The following SMYD3 variants were observed in gnomAD, a reference collection of about 807,000 sequenced individuals.
The protein encoded by SMYD3 is histone-lysine N-methyltransferase SMYD3.
Under a neutral mutation model 57.7 loss-of-function variants are expected in SMYD3, and 36 were observed. The observed-to-expected ratio is 0.62, with a 90% CI of 0.48 to 0.82. SMYD3 has a LOEUF of 0.82. Ranked by LOEUF, SMYD3 falls within the 40% of genes least tolerant of loss-of-function variation. The pLI, the probability that SMYD3 is intolerant of heterozygous loss-of-function variation, is 0.00. For synonymous variants in SMYD3, 211 were observed against 195.0 expected (o/e 1.08, Z -0.68); for missense variants, 515 against 538.8 (o/e 0.96, Z 0.44).
intron 10 of SMYD3, among the ~76,000 whole-genome samples, chr1:245,804,407 C>A (rs1381932370): frequency 6.6e-6 from 1 of 151,862 alleles, no homozygotes; most frequent in African/African-American, 2.4e-5. Flanking sequence ...GTGGTGAAAC[C>A]CCATCTCTAC....
intron 5 of SMYD3, among the ~76,000 whole-genome samples, chr1:246,227,470 CCGGGTGTGGTGG>C (rs1052853610): frequency 2.0e-5 from 3 of 151,866 alleles, no homozygotes; most frequent in Admixed American, 6.6e-5. Flanking sequence ...AAAAAATTAA[CCGGGTGTGGTGG>C]CGGGCGCCTG....
chr1:246,485,946 TA>T (rs1291856563), intron 1 of SMYD3, among the ~76,000 whole-genome samples: 4 of 152,204 alleles, frequency 2.6e-5, no homozygotes, highest in African/African-American at 9.6e-5. Context: ...TTTGCAAGAC[TA>T]AATGAGATAA....
At chr1:246,131,455 C>A (rs558239292) in intron 5 of SMYD3, among the ~76,000 whole-genome samples, 2 of 152,110 alleles carry the variant, frequency 1.3e-5, no homozygotes, top group Non-Finnish European at 2.9e-5. Context: ...CTTAGAAGAA[C>A]CTTAGGTTCT....
intron 1 of SMYD3, among the ~76,000 whole-genome samples, chr1:246,457,579 A>G (rs1041502685): frequency 6.6e-6 from 1 of 150,450 alleles, no homozygotes; most frequent in Admixed American, 6.6e-5. Flanking sequence ...GAAAAGAAAA[A>G]GAAAAAGAAA....
At chr1:245,906,575 C>A (rs1360812822) in intron 8 of SMYD3, among the ~76,000 whole-genome samples, 1 of 152,192 alleles carries the variant, frequency 6.6e-6, no homozygotes, top group African/African-American at 2.4e-5. Context: ...CTATGGAGAA[C>A]TGTTTGGAGG....
chr1:245,911,671 G>C (rs2054998470), intron 8 of SMYD3, among the ~76,000 whole-genome samples: 1 of 151,934 alleles, frequency 6.6e-6, no homozygotes, highest in Non-Finnish European at 1.5e-5. Context: ...TCATACATGG[G>C]AACTAAAAAG....
At chr1:246,079,705 A>C (rs1489299392) in intron 5 of SMYD3, among the ~76,000 whole-genome samples, 1 of 152,216 alleles carries the variant, frequency 6.6e-6, no homozygotes, top group Admixed American at 6.5e-5. Context: ...GCCTTATTGC[A>C]AACTGTGGTC....
At chr1:245,811,724 C>T (rs779286913) in intron 10 of SMYD3, among the ~76,000 whole-genome samples, 12 of 152,128 alleles carry the variant, frequency 7.9e-5, no homozygotes, top group Non-Finnish European at 1.6e-4. Context: ...CACAAATGGC[C>T]AATAACCACT....
At chr1:246,340,783 T>C (rs1010966017) in intron 2 of SMYD3, among the ~76,000 whole-genome samples, 2 of 152,138 alleles carry the variant, frequency 1.3e-5, no homozygotes, top group African/African-American at 2.4e-5. Context: ...CTAAGCAACA[T>C]AGGGAAATCC....
At chr1:246,374,368 C>T (rs2148735531) in intron 1 of SMYD3, among the ~76,000 whole-genome samples, 1 of 152,234 alleles carries the variant, frequency 6.6e-6, no homozygotes, top group East Asian at 1.9e-4. Context: ...GAGGAAAGGC[C>T]AAAAATGTGT....
chr1:246,192,239 C>T lies in SMYD3; in HGVS notation c.531+134962G>A, dbSNP rs115323888. ...TCAGCCTCCCAAGCAGCTGGAACCACAGGCATGTGCCATCATGCTCAGCTA... is the reference window on the plus strand; with the variant it reads ...TCAGCCTCCCAAGCAGCTGGAACCATAGGCATGTGCCATCATGCTCAGCTA... On this transcript the variant is annotated intron_variant, in intron 5 of 11. Transcript: ENST00000490107. Among the ~76,000 whole-genome samples, 1,311 of 152,300 alleles carry T rather than the reference C, an allele frequency of 8.6e-3. 19 individuals are homozygous for T. The highest frequency in any genetic ancestry group is 0.03 in the African/African-American group (1,250 of 41,566).
chr1:246,297,841 T>C (rs1174386053), intron 5 of SMYD3, among the ~76,000 whole-genome samples: 1 of 152,170 alleles, frequency 6.6e-6, no homozygotes, highest in East Asian at 1.9e-4. Context: ...GTTATCTCCA[T>C]TCATCCTTGT....
At chr1:246,055,260 G>A (rs1399640757) in intron 5 of SMYD3, among the ~76,000 whole-genome samples, 1 of 152,042 alleles carries the variant, frequency 6.6e-6, no homozygotes, top group East Asian at 1.9e-4. Context: ...AATGCAAAAC[G>A]GTGCAGCTAT....
chr1:246,360,857 C>T (rs976222717), intron 1 of SMYD3, among the ~76,000 whole-genome samples: 1 of 152,138 alleles, frequency 6.6e-6, no homozygotes, highest in Admixed American at 6.5e-5. Flanking sequence ...TAGAAGATAA[C>T]ATCGGAAAAA....
At chr1:245,902,935 C>T (rs112437954) in intron 8 of SMYD3, among the ~76,000 whole-genome samples, 2,957 of 151,962 alleles carry the variant, frequency 0.019, 83 homozygotes, top group African/African-American at 0.061. Flanking sequence ...ACGAGAAATG[C>T]GAAAAAGAAA....
intron 1 of SMYD3, among the ~76,000 whole-genome samples, chr1:246,491,497 AC>A (rs1010517202): frequency 1.4e-4 from 21 of 151,574 alleles, no homozygotes; most frequent in African/African-American, 5.1e-4. Flanking sequence ...CCGAGATCGC[AC>A]CATTGCACTC....
chr1:246,392,518 G>A (rs1380460189), intron 1 of SMYD3, among the ~76,000 whole-genome samples: 2 of 151,876 alleles, frequency 1.3e-5, no homozygotes, highest in African/African-American at 2.4e-5. Context: ...GTGCAGTGTG[G>A]CTCACTGCAG....
chr1:246,350,771 T>C (rs143385345), intron 2 of SMYD3, among the ~76,000 whole-genome samples: 1 of 152,198 alleles, frequency 6.6e-6, no homozygotes, highest in East Asian at 1.9e-4. Context: ...CCACTTGAAG[T>C]CATAGGAGCA....
intron 1 of SMYD3, among the ~76,000 whole-genome samples, chr1:246,459,892 G>A (rs1175660197): frequency 7.2e-6 from 1 of 139,496 alleles, no homozygotes. Flanking sequence ...CTGTCATTTG[G>A]CTGCAGAGGA....
Sources: allele counts gnomAD v4.1 joint callset (sites outside exome capture counted in the v4.1 genomes callset), GRCh38; gene constraint gnomAD v4.1.1; transcripts MANE v1.5; gene names NCBI Gene and HGNC (gene_info 2026-07-23, HGNC 2026-07-21).